Variants in DOCK2 observed in about 807,000 individuals in gnomAD.
DOCK2 encodes dedicator of cytokinesis 2, also known as dedicator of cytokinesis protein 2.
In DOCK2, 87 loss-of-function variants were observed where a neutral mutation model predicts 248.9. The observed-to-expected ratio is 0.35, with a 90% CI of 0.29 to 0.42. The LOEUF (loss-of-function observed/expected upper bound fraction) is 0.42, where lower values mean the gene tolerates loss of function less well. DOCK2 is among the 10% of genes least tolerant of loss of function. DOCK2 has a pLI of 1.00. For synonymous variants in DOCK2, 805 were observed against 821.6 expected, an observed-to-expected ratio of 0.98 and a Z score of 0.35; for missense variants, 1,747 against 2,300.2, an observed-to-expected ratio of 0.76 and a Z score of 4.92.
intron 7 of DOCK2, among the ~76,000 whole-genome samples, chr5:169,682,537 G>T (rs2113360035): frequency 6.6e-6 from 1 of 152,376 alleles, no homozygotes; most frequent in African/African-American, 2.4e-5. Context: ...AAAGAGTTGT[G>T]ATGTTATTCC....
chr5:169,870,906 A>G (rs61026320), intron 27 of DOCK2, among the ~76,000 whole-genome samples: 22,497 of 152,084 alleles, frequency 0.15, 2,246 homozygotes, highest in African/African-American at 0.28. Context: ...TGGCTTATAC[A>G]TACATACATA....
chr5:169,715,611 A>T lies in DOCK2; in HGVS notation c.1942-602A>T, dbSNP rs542368311. Among the ~76,000 whole-genome samples the T allele has an allele frequency of 8.7e-3, 1,286 of 148,626 alleles. 19 individuals are homozygous for T. The highest frequency in any genetic ancestry group is 0.031 in the African/African-American group (1,223 of 39,702). Reference sequence around the variant, plus strand: ...TTCTTTTTTCTTTTTTTTTTTTTAAAAAAGTTTGTTATTTAAATATGATAT... The same window carrying T: ...TTCTTTTTTCTTTTTTTTTTTTTAATAAAGTTTGTTATTTAAATATGATAT... On this transcript the variant is annotated intron_variant, in intron 19 of 51. Transcript: ENST00000520908.
chr5:169,799,626 A>G (rs1234902439), intron 25 of DOCK2, among the ~76,000 whole-genome samples: 1 of 152,256 alleles, frequency 6.6e-6, no homozygotes, highest in Non-Finnish European at 1.5e-5. Context: ...TGCTTAATAA[A>G]TACATCTGGA....
intron 26 of DOCK2, among the ~76,000 whole-genome samples, chr5:169,832,809 TTGC>T (rs1769313057): frequency 6.6e-6 from 1 of 152,188 alleles, no homozygotes; most frequent in African/African-American, 2.4e-5. Flanking sequence ...CAGCCATAGA[TTGC>T]TGCTGTTTTC....
At chr5:169,649,132 G>C (rs572108152) in intron 1 of DOCK2, among the ~76,000 whole-genome samples, 1 of 152,192 alleles carries the variant, frequency 6.6e-6, no homozygotes, top group East Asian at 1.9e-4. Context: ...TTTCCCCCTG[G>C]AGTGGAGACT....
chr5:169,738,835 C>T (rs923561419), intron 22 of DOCK2, among the ~76,000 whole-genome samples: 1 of 152,238 alleles, frequency 6.6e-6, no homozygotes, highest in Non-Finnish European at 1.5e-5. Context: ...TCTGTAAATG[C>T]TAGTCTGGTT....
chr5:170,009,648 C>T (rs1041496952), intron 32 of DOCK2, among the ~76,000 whole-genome samples: 1 of 152,180 alleles, frequency 6.6e-6, no homozygotes, highest in African/African-American at 2.4e-5. Flanking sequence ...CTAACTTGTG[C>T]CCATCTCTTG....
chr5:169,652,914 G>C lies in DOCK2; in HGVS notation c.44-1489G>C, dbSNP rs1483302989. 2.6e-5 allele frequency among the ~76,000 whole-genome samples: 4 copies of C among 152,164 alleles called. No individual in the cohort carries two copies. The East Asian group carries it at 7.7e-4, about 29-fold the overall frequency. ...AGCAGCATTGGCTATTTAGACCCTG[G>C]TCACTTAATGGATCAGCCTACGGTC... On this transcript the variant is annotated intron_variant, in intron 1 of 51. Transcript: ENST00000520908.
intron 25 of DOCK2, among the ~76,000 whole-genome samples, chr5:169,761,869 T>G (rs544525044): frequency 3.2e-4 from 48 of 151,638 alleles, no homozygotes; most frequent in African/African-American, 1.1e-3. Flanking sequence ...TTTAATGAGG[T>G]TTTTTTTTCC....
At chr5:169,942,180 T>C (rs1437886579) in intron 27 of DOCK2, among the ~76,000 whole-genome samples, 1 of 152,240 alleles carries the variant, frequency 6.6e-6, no homozygotes. Context: ...GCATATCTTA[T>C]TTATGGCAGT....
intron 25 of DOCK2, among the ~76,000 whole-genome samples, chr5:169,797,664 G>A (rs1360541487): frequency 2.0e-5 from 3 of 152,182 alleles, no homozygotes; most frequent in Non-Finnish European, 2.9e-5. Flanking sequence ...GTCACTCGGT[G>A]GTAAGTCTCC....
At chr5:169,714,000 TG>T (rs1361898517) in intron 17 of DOCK2, 27 bp from the exon 18 acceptor site, 1 of 1,563,886 alleles carries the variant, frequency 6.4e-7, no homozygotes, top group Admixed American at 1.8e-5. Flanking sequence ...AGCCTTGGCT[TG>T]GGGCAGTAAC....
chr5:169,858,915 G>A (rs111747162), intron 27 of DOCK2, among the ~76,000 whole-genome samples: 2,096 of 152,324 alleles, frequency 0.014, 22 homozygotes, highest in Middle Eastern at 0.054. Flanking sequence ...TGGGGAGGCT[G>A]AGGTGAAAGG....
chr5:169,911,595 G>T (rs974524122), intron 27 of DOCK2, among the ~76,000 whole-genome samples: 2 of 152,140 alleles, frequency 1.3e-5, no homozygotes, highest in Non-Finnish European at 2.9e-5. Context: ...TACCCTTCAG[G>T]CTTCATTTCA....
Position 169,637,386 on chromosome 5 carries a change from G to A in DOCK2, c.43+17G>A. ...ACGGCGTGGGTAGGTGCGGGCCCCA[G>A]GGCGCGGCAGGGAGCGGGACAGGTG... On this transcript the variant is annotated intron_variant, in intron 1 of 51. Transcript: ENST00000520908. The A allele has an allele frequency of 2.9e-6, 4 of 1,380,712 alleles. No individual in the cohort carries two copies. The highest frequency in any genetic ancestry group is 3.8e-6 in the Non-Finnish European group (4 of 1,066,548). 85.5% of individuals were successfully genotyped at this position (1,380,712 alleles called of 1,614,324 possible). A position where few individuals can be genotyped will look rare whatever the true frequency, so the allele number is the denominator to read the frequency against.
At chr5:169,856,458 T>C (rs1770899897) in intron 27 of DOCK2, among the ~76,000 whole-genome samples, 1 of 151,956 alleles carries the variant, frequency 6.6e-6, no homozygotes, top group South Asian at 2.1e-4. Flanking sequence ...AGCTGAGGGG[T>C]GCATATTAGT....
chr5:169,856,158 A>G (rs752708528), intron 27 of DOCK2, among the ~76,000 whole-genome samples: 1 of 152,210 alleles, frequency 6.6e-6, no homozygotes, highest in Non-Finnish European at 1.5e-5. Context: ...TTACAACTCA[A>G]GATGAGATTT....
intron 30 of DOCK2, among the ~76,000 whole-genome samples, chr5:170,003,093 T>A (rs773147600): frequency 6.6e-6 from 1 of 152,194 alleles, no homozygotes; most frequent in Non-Finnish European, 1.5e-5. Flanking sequence ...GAGCTTACAA[T>A]TGGAGAAGAC....
chr5:169,965,651 C>T (rs922252829), intron 27 of DOCK2, among the ~76,000 whole-genome samples: 1 of 152,142 alleles, frequency 6.6e-6, no homozygotes, highest in Non-Finnish European at 1.5e-5. Context: ...GTTTAGGAAC[C>T]ATGGCCTCAG....
Sources: allele counts gnomAD v4.1 joint callset (sites outside exome capture counted in the v4.1 genomes callset), GRCh38; gene constraint gnomAD v4.1.1; transcripts MANE v1.5; gene names NCBI Gene and HGNC (gene_info 2026-07-23, HGNC 2026-07-21).